AOAH: variants seen among roughly 807,000 people sequenced by gnomAD.
AOAH encodes the protein acyloxyacyl hydrolase, also known as acyloxyacyl hydrolase (neutrophil).
A neutral mutation model predicts 92.2 loss-of-function variants in AOAH; 64 were observed. The ratio of observed to expected loss-of-function variants is 0.69; its 90% CI spans 0.57 to 0.86. The LOEUF (loss-of-function observed/expected upper bound fraction) is 0.86, where lower values mean the gene tolerates loss of function less well. Ranked by LOEUF, AOAH falls within the 40% of genes least tolerant of loss-of-function variation. The pLI is 0.00. For missense variants in AOAH, 656 were observed against 694.6 expected, an observed-to-expected ratio of 0.94 and a Z score of 0.62; for synonymous variants, 263 against 254.5, an observed-to-expected ratio of 1.03 and a Z score of -0.32.
rs1422771236 is a variant in AOAH, at chr7:36,516,138, C to A, written c.1600-2758G>T. 6.7e-6 allele frequency among the ~76,000 whole-genome samples: 1 copy of A among 148,402 alleles called. No homozygotes were observed. The highest frequency in any genetic ancestry group is 2.5e-5 in the African/African-American group (1 of 40,198). ...CACACACACACCACACACAGATACA[C>A]CACACACATCTCACACACACACACC... On this transcript the variant is annotated intron_variant, in intron 20 of 20. Transcript: ENST00000617537. This position sits in a 1 kb window ranked among gnomAD's most constrained non-coding sequence, Gnocchi z 5.0.
chr7:36,641,775 C>A (rs950146727), intron 4 of AOAH, among the ~76,000 whole-genome samples: 5 of 152,280 alleles, frequency 3.3e-5, no homozygotes, highest in African/African-American at 9.6e-5. Flanking sequence ...AACTCCCTGA[C>A]CCCCTTCACT....
intron 11 of AOAH, among the ~76,000 whole-genome samples, chr7:36,605,717 C>T (rs1010574973): frequency 5.3e-5 from 8 of 152,162 alleles, no homozygotes; most frequent in African/African-American, 1.9e-4. Flanking sequence ...GGGAGTGCAC[C>T]CTACATGGCT....
In AOAH at chr7:36,616,396, G is replaced by T. The variant is rs960341212; in HGVS notation, c.830C>A (p.Ala277Glu). Residue 277 changes from alanine (A) to glutamate (E), a missense_variant, in exon 11 of 21, where the codon GCG (alanine) becomes GAG (glutamate). By Grantham distance (107) the Ala-to-Glu change is moderately radical. Coordinates refer to ENST00000617537, the MANE Select transcript of AOAH (RefSeq NM_001637.4). ...ATTACTTACCAAAGACATCTGCGAC[G>T]CTGTGATCCATTCAGGAGAGATGTG... ...HFHISPEWIT[A>E]SQMSLNSFIN... 6.2e-7 allele frequency: 1 copy of T among 1,613,746 alleles called. No individual in the cohort carries two copies.
chr7:36,524,591 G>A (rs1464958785), intron 19 of AOAH, among the ~76,000 whole-genome samples: 8 of 152,026 alleles, frequency 5.3e-5, no homozygotes, highest in Non-Finnish European at 8.8e-5. Context: ...CAGGAGAATC[G>A]CCTGAACATG....
At chr7:36,679,895 A>C (rs1289357856) in intron 2 of AOAH, among the ~76,000 whole-genome samples, 1 of 152,104 alleles carries the variant, frequency 6.6e-6, no homozygotes, top group East Asian at 1.9e-4. Context: ...TGATCTTGTG[A>C]TCCGCCCGCC....
At chr7:36,553,673 G>A (rs1436458649) in intron 13 of AOAH, among the ~76,000 whole-genome samples, 37 of 151,742 alleles carry the variant, frequency 2.4e-4, no homozygotes, top group Non-Finnish European at 3.7e-4. Context: ...TTTAATGATC[G>A]CCATTCTAAC....
In AOAH at chr7:36,683,213, G is replaced by C. The variant is rs369825799; in HGVS notation, c.223+3486C>G. ...GGAGTTTTATATACAGAAAAGCATT[G>C]ACTTTCAAGTATAAAGGGCGCAGAC... On this transcript the variant is annotated intron_variant, in intron 2 of 20. Coordinates refer to ENST00000617537, the MANE Select transcript of AOAH (RefSeq NM_001637.4). Among the ~76,000 whole-genome samples, 51 of 152,282 alleles carry C rather than the reference G, an allele frequency of 3.3e-4. No homozygotes were observed. The South Asian group carries it at 0.01, about 31-fold the overall frequency.
intron 5 of AOAH, 24 bp from the exon 6 acceptor site, chr7:36,632,130 A>C: frequency 1.3e-6 from 2 of 1,588,672 alleles, no homozygotes; most frequent in Non-Finnish European, 1.7e-6. Context: ...AAAAAACAAA[A>C]AGAGAGTTGT....
chr7:36,663,155 G>C (rs980477718), intron 3 of AOAH, among the ~76,000 whole-genome samples: 2 of 152,096 alleles, frequency 1.3e-5, no homozygotes, highest in Non-Finnish European at 2.9e-5. Context: ...TTTTTAAAAA[G>C]ACTTTTTCTT....
At chr7:36,636,747 C>G (rs747730993) in intron 5 of AOAH, among the ~76,000 whole-genome samples, 40 of 152,118 alleles carry the variant, frequency 2.6e-4, no homozygotes, top group Non-Finnish European at 5.3e-4. Context: ...GCAGAGTTGC[C>G]AGATAAAATA....
At chr7:36,661,139 C>T (rs1397349775) in intron 3 of AOAH, 4 of 152,254 alleles carry the variant, frequency 2.6e-5, no homozygotes, top group Non-Finnish European at 5.9e-5. Context: ...TTCCTTTGCC[C>T]GTTGGCGCAG....
intron 6 of AOAH, among the ~76,000 whole-genome samples, chr7:36,629,673 C>CTGT (rs1562638475): frequency 6.6e-6 from 1 of 152,102 alleles, no homozygotes; most frequent in Non-Finnish European, 1.5e-5. Flanking sequence ...GAGTTTTTAA[C>CTGT]TGTTTAACTC....
At chr7:36,660,906 A>G (rs1795182212) in intron 3 of AOAH, 1 of 152,214 alleles carries the variant, frequency 6.6e-6, no homozygotes, top group African/African-American at 2.4e-5. Context: ...TTAAGTATAA[A>G]CTCTACTTAT....
intron 11 of AOAH, among the ~76,000 whole-genome samples, chr7:36,610,080 TA>T (rs1176968085): frequency 6.8e-6 from 1 of 147,042 alleles, no homozygotes; most frequent in African/African-American, 2.5e-5. Flanking sequence ...ATTCTGTAGA[TA>T]ATAGTTTTTA....
intron 9 of AOAH, 58 bp downstream of exon 9, chr7:36,620,723 G>T: frequency 6.5e-7 from 1 of 1,544,472 alleles, no homozygotes; most frequent in Non-Finnish European, 8.9e-7. Context: ...TATGTGATGA[G>T]CTTTAGGGGA....
At chr7:36,551,786 C>G (rs918250431) in intron 13 of AOAH, among the ~76,000 whole-genome samples, 1 of 152,142 alleles carries the variant, frequency 6.6e-6, no homozygotes, top group Non-Finnish European at 1.5e-5. Flanking sequence ...GTGTTTTGGA[C>G]GTATGGTATA....
At chr7:36,546,505 C>G (rs1382311405) in intron 15 of AOAH, among the ~76,000 whole-genome samples, 1 of 152,218 alleles carries the variant, frequency 6.6e-6, no homozygotes, top group Non-Finnish European at 1.5e-5. Flanking sequence ...GCTTCTCTAC[C>G]CAGATCTCCA....
At chr7:36,584,228 A>G (rs1305454673) in intron 12 of AOAH, among the ~76,000 whole-genome samples, 1 of 152,214 alleles carries the variant, frequency 6.6e-6, no homozygotes, top group East Asian at 1.9e-4. Flanking sequence ...TTGACTTAAC[A>G]CGTCTTTTAA....
chr7:36,532,493 C>T (rs111460229), intron 16 of AOAH, 149 bp from the exon 17 acceptor site: 15 of 745,572 alleles, frequency 2.0e-5, no homozygotes, highest in African/African-American at 1.9e-4. Context: ...TTGAAGAATG[C>T]CTGTGCTTTC....
Sources: allele counts gnomAD v4.1 joint callset (sites outside exome capture counted in the v4.1 genomes callset), GRCh38; gene constraint gnomAD v4.1.1; non-coding constraint Gnocchi (gnomAD v3.1); transcripts MANE v1.5; gene names NCBI Gene and HGNC (gene_info 2026-07-23, HGNC 2026-07-21).